Variants in TENM3 observed in about 807,000 individuals in gnomAD.
The protein encoded by TENM3 is teneurin-3.
TENM3 carries 63 observed loss-of-function variants against 255.1 expected under a neutral mutation model. The observed-to-expected ratio is 0.25, with a 90% CI of 0.20 to 0.30. The LOEUF is 0.30. Among genes scored for constraint, TENM3 ranks in the 10% least tolerant of loss-of-function variants. TENM3 has a pLI of 1.00. For missense variants in TENM3, 2,929 were observed against 3,461.1 expected (o/e 0.85, Z 3.86); for synonymous variants, 1,306 against 1,322.3 (o/e 0.99, Z 0.27).
intron 4 of TENM3, among the ~76,000 whole-genome samples, chr4:182,624,928 A>G (rs68187576): frequency 0.1 from 15,851 of 152,224 alleles, 899 homozygotes; most frequent in Middle Eastern, 0.18. Flanking sequence ...AATACGTGGT[A>G]ATACTATGGA....
At chr4:181,480,186 A>T in the TENM3 span, among the ~76,000 whole-genome samples, 1 of 151,948 alleles carries the variant, frequency 6.6e-6, no homozygotes, top group Non-Finnish European at 1.5e-5. Context: ...TAAAATGTTT[A>T]TTTTTTTCTC....
At chr4:181,872,910 T>C in the TENM3 span, among the ~76,000 whole-genome samples, 1 of 152,150 alleles carries the variant, frequency 6.6e-6, no homozygotes, top group South Asian at 2.1e-4. Context: ...TTTGGATTTG[T>C]TGATTTTCTT....
At chr4:182,442,145 A>G (rs1273665226) in intron 3 of TENM3, among the ~76,000 whole-genome samples, 3 of 152,210 alleles carry the variant, frequency 2.0e-5, no homozygotes, top group African/African-American at 7.2e-5. Flanking sequence ...TACTTCCTCT[A>G]TCCACAATGA....
At chr4:182,557,221 G>T (rs1038910046) in intron 3 of TENM3, among the ~76,000 whole-genome samples, 13 of 152,094 alleles carry the variant, frequency 8.5e-5, no homozygotes, top group Admixed American at 2.6e-4. Flanking sequence ...TGTTCATAGG[G>T]TCAGAGCAAA....
chr4:181,641,528 G>T, the TENM3 span, among the ~76,000 whole-genome samples: 1 of 92,882 alleles, frequency 1.1e-5, no homozygotes, highest in South Asian at 3.4e-4. Flanking sequence ...CTTTTTTGTG[G>T]CTGCATAGTA....
chr4:182,243,271 C>G (rs149418510), upstream of TENM3, among the ~76,000 whole-genome samples: 1 of 152,146 alleles, frequency 6.6e-6, no homozygotes, highest in Non-Finnish European at 1.5e-5. Flanking sequence ...TGCACCACCA[C>G]GCCCAGATAA....
chr4:181,570,035 CTTTTTTTTTT>C, the TENM3 span, among the ~76,000 whole-genome samples: 2 of 113,874 alleles, frequency 1.8e-5, no homozygotes, highest in Non-Finnish European at 3.5e-5. Flanking sequence ...ACAAATGTTT[CTTTTTTTTTT>C]TTTTTTTTTT....
the TENM3 span, among the ~76,000 whole-genome samples, chr4:181,640,791 C>A: frequency 6.6e-6 from 1 of 152,156 alleles, no homozygotes; most frequent in Non-Finnish European, 1.5e-5. Flanking sequence ...TCTACCAGGC[C>A]ACCAGGTTGA....
chr4:182,664,730 A>G (rs949852164), intron 6 of TENM3, among the ~76,000 whole-genome samples: 3 of 152,188 alleles, frequency 2.0e-5, no homozygotes, highest in Non-Finnish European at 1.5e-5. Flanking sequence ...TATTACTGAT[A>G]AGGAGAACAT....
chr4:181,834,889 A>G, the TENM3 span: 1 of 152,346 alleles, frequency 6.6e-6, no homozygotes, highest in South Asian at 2.1e-4. Context: ...TAGTAGGTTC[A>G]GAAAAACTAG....
At chr4:182,734,850 A>T (rs1761044998) in intron 16 of TENM3, among the ~76,000 whole-genome samples, 1 of 152,172 alleles carries the variant, frequency 6.6e-6, no homozygotes, top group African/African-American at 2.4e-5. Context: ...TGAAATAGAG[A>T]GGCAGCTTCT....
chr4:181,892,572 A>G, the TENM3 span, among the ~76,000 whole-genome samples: 1 of 152,194 alleles, frequency 6.6e-6, no homozygotes, highest in Non-Finnish European at 1.5e-5. Context: ...ATCTTGGAAC[A>G]TTCTTGATGC....
chr4:182,043,424 C>T, the TENM3 span, among the ~76,000 whole-genome samples: 15 of 152,142 alleles, frequency 9.9e-5, no homozygotes, highest in African/African-American at 2.7e-4. Context: ...TTTTGTACAA[C>T]TGCCTGTAGA....
chr4:182,148,514 C>T (rs1201918546), intron 1 of TENM3, among the ~76,000 whole-genome samples: 1 of 152,044 alleles, frequency 6.6e-6, no homozygotes, highest in Admixed American at 6.5e-5. Context: ...TTTTCTTGCC[C>T]ATCAAAGGAT....
the TENM3 span, among the ~76,000 whole-genome samples, chr4:181,858,825 G>A: frequency 6.6e-6 from 1 of 152,178 alleles, no homozygotes; most frequent in Non-Finnish European, 1.5e-5. Context: ...GGCAAGAAAA[G>A]AAAATTGAAA....
chr4:181,499,799 T>C, the TENM3 span, among the ~76,000 whole-genome samples: 12 of 152,296 alleles, frequency 7.9e-5, no homozygotes, highest in African/African-American at 2.6e-4. Context: ...GGGTGTTTCC[T>C]GTATGGTCCT....
chr4:182,708,083 C>T (rs918223750), intron 12 of TENM3: 1 of 151,608 alleles, frequency 6.6e-6, no homozygotes, highest in Non-Finnish European at 1.5e-5. Flanking sequence ...CCTAGGTTGC[C>T]AAGGTGTTAC....
intron 13 of TENM3, among the ~76,000 whole-genome samples, chr4:182,719,532 T>G (rs1472634816): frequency 6.6e-6 from 1 of 152,036 alleles, no homozygotes; most frequent in Admixed American, 6.6e-5. Context: ...GTGCTGGGAT[T>G]ACAGGCATGA....
At chr4:182,301,412 C>G (rs1394915205) in intron 1 of TENM3, among the ~76,000 whole-genome samples, 1 of 152,176 alleles carries the variant, frequency 6.6e-6, no homozygotes, top group Non-Finnish European at 1.5e-5. Flanking sequence ...ACTTCCTCCC[C>G]CCATTCAGCA....
Sources: gnomAD v4.1 joint callset for allele counts (sites outside exome capture counted in the v4.1 genomes callset) on GRCh38, gnomAD v4.1.1 for gene constraint, MANE v1.5 for transcripts, NCBI Gene and HGNC (gene_info 2026-07-23, HGNC 2026-07-21) for gene names.